The following AOX1 variants were observed in gnomAD, a reference collection of about 807,000 sequenced individuals.
The protein encoded by AOX1 is aldehyde oxidase.
AOX1 carries 153 observed loss-of-function variants against 169.5 expected under a neutral mutation model. The observed-to-expected ratio is 0.90, with a 90% CI of 0.79 to 1.03. AOX1 has a LOEUF of 1.03. Among genes scored for constraint, AOX1 ranks in the 50% least tolerant of loss-of-function variants. The pLI, the probability that AOX1 is intolerant of heterozygous loss-of-function variation, is 0.00. For synonymous variants in AOX1, 562 were observed against 581.9 expected (o/e 0.97, Z 0.49); for missense variants, 1,656 against 1,663.9 (o/e 1.00, Z 0.08).
chr2:200,589,091 G>A (rs2034113645), intron 1 of AOX1, among the ~76,000 whole-genome samples: 1 of 152,136 alleles, frequency 6.6e-6, no homozygotes, highest in South Asian at 2.1e-4. Flanking sequence ...AAGCTTAGAA[G>A]TGAAGCCACT....
intron 4 of AOX1, 54 bp from the exon 5 acceptor site, chr2:200,599,566 T>C: frequency 6.9e-7 from 1 of 1,440,374 alleles, no homozygotes; most frequent in Non-Finnish European, 9.5e-7. Flanking sequence ...TCTAATTCAT[T>C]AGGCCTGGGA....
intron 26 of AOX1, among the ~76,000 whole-genome samples, chr2:200,655,756 C>T (rs1306188979): frequency 6.6e-6 from 1 of 152,158 alleles, no homozygotes; most frequent in African/African-American, 2.4e-5. Context: ...AGAGACAGTT[C>T]TCCAAGCATG....
chr2:200,597,625 A>T, intron 4 of AOX1, 120 bp downstream of exon 4: 1 of 529,594 alleles, frequency 1.9e-6, no homozygotes. Flanking sequence ...TCCAACAGAT[A>T]CAACCTAGCT....
intron 16 of AOX1, 59 bp from the exon 17 acceptor site, chr2:200,620,585 CATAATA>C: frequency 7.5e-7 from 1 of 1,338,224 alleles, no homozygotes; most frequent in Non-Finnish European, 9.9e-7. Context: ...GGGAAATGTG[CATAATA>C]ATAATTCCTA....
At position 200,652,062 on chromosome 2, in the gene AOX1, G is replaced by A. The variant is rs529336874; in HGVS notation, c.3075+861G>A. On this transcript the variant is annotated intron_variant, in intron 26 of 34. Coordinates refer to ENST00000374700, the MANE Select transcript of AOX1 (RefSeq NM_001159.4). ...AGAAGGCATGGCAGCTGTGCTGAGC[G>A]ATCACAAAATAGGAACAAATGGCAG... is the stretch of plus-strand genomic sequence containing the variant. 8.5e-5 allele frequency among the ~76,000 whole-genome samples: 13 copies of A among 152,258 alleles called. No homozygotes were observed. In the South Asian group the frequency reaches 1.2e-3, roughly 15 times the overall value.
chr2:200,644,511 T>C (rs1434878558), intron 25 of AOX1, among the ~76,000 whole-genome samples: 3 of 152,238 alleles, frequency 2.0e-5, no homozygotes, highest in African/African-American at 7.2e-5. Context: ...TCTCTTTGCT[T>C]ACTCTTGCTT....
In AOX1 at chr2:200,597,446, G is replaced by C; in HGVS notation, c.250G>C (p.Ala84Pro). 8 of 1,612,524 alleles carry C rather than the reference G, an allele frequency of 5.0e-6. No individual in the cohort carries two copies. The highest frequency in any genetic ancestry group is 6.8e-6 in the Non-Finnish European group (8 of 1,179,346). The change falls in exon 4 of 35, where the codon GCT becomes CCT. Residue 84 changes from alanine (A) to proline (P), a missense_variant. By Grantham distance (27) the Ala-to-Pro change is conservative. Transcript: ENST00000374700. ...CLIPICSLYG[A>P]AVTTVEGIGS... Reference sequence around the variant, plus strand: ...GATTCCCATCTGTTCTCTGTATGGTGCTGCCGTCACCACAGTAGAAGGCAT... The same window carrying C: ...GATTCCCATCTGTTCTCTGTATGGTCCTGCCGTCACCACAGTAGAAGGCAT...
At chr2:200,636,117 CTTTTTTTTTTT>C (rs765127387) in intron 21 of AOX1, among the ~76,000 whole-genome samples, 1 of 53,954 alleles carries the variant, frequency 1.9e-5, no homozygotes, top group South Asian at 9.4e-4. Context: ...GTGAGAAGTG[CTTTTTTTTTTT>C]TTTTTTTTTT....
chr2:200,623,781 T>C, intron 18 of AOX1, 80 bp from the exon 19 acceptor site: 1 of 1,599,328 alleles, frequency 6.3e-7, no homozygotes, highest in Non-Finnish European at 8.5e-7. Context: ...AATCGAGTAC[T>C]AGGAGGGAGG....
At chr2:200,601,841 G>A (rs542678410) in intron 5 of AOX1, among the ~76,000 whole-genome samples, 127 of 152,182 alleles carry the variant, frequency 8.3e-4, no homozygotes, top group African/African-American at 3.0e-3. Context: ...GCTGAGGCAG[G>A]AGAATTGCTT....
Position 200,666,173 on chromosome 2 carries a change from C to T in AOX1, c.3544-514C>T, listed in dbSNP as rs541858209. Among the ~76,000 whole-genome samples, 18 of 152,324 alleles carry T rather than the reference C, an allele frequency of 1.2e-4. 1 individual carries two copies. In the South Asian group the frequency reaches 3.7e-3, roughly 32 times the overall value. On this transcript the variant is annotated intron_variant, in intron 31 of 34. Coordinates refer to ENST00000374700, the MANE Select transcript of AOX1 (RefSeq NM_001159.4). ...AGCAAGTTGTAGTGTCAACTTTATT[C>T]TCTTCTCTGCTACAAAAATGAAAAG...
intron 5 of AOX1, among the ~76,000 whole-genome samples, chr2:200,601,998 C>G (rs946797675): frequency 3.3e-5 from 5 of 151,646 alleles, no homozygotes; most frequent in Admixed American, 2.0e-4. Flanking sequence ...GACTGTAGAG[C>G]AAGTTTTTGG....
chr2:200,664,669 C>T (rs1259913566), intron 31 of AOX1, among the ~76,000 whole-genome samples: 1 of 152,200 alleles, frequency 6.6e-6, no homozygotes, highest in African/African-American at 2.4e-5. Context: ...AGGTTAGTGT[C>T]ACTGCTAGGC....
intron 31 of AOX1, among the ~76,000 whole-genome samples, chr2:200,664,124 TG>T (rs2035882899): frequency 2.2e-5 from 1 of 45,528 alleles, no homozygotes; most frequent in African/African-American, 1.1e-4. Flanking sequence ...GATTTCTGTT[TG>T]TTTGTTTGTT....
intron 5 of AOX1, among the ~76,000 whole-genome samples, chr2:200,601,608 CT>C (rs1379814392): frequency 3.3e-5 from 5 of 150,192 alleles, no homozygotes; most frequent in African/African-American, 1.2e-4. Flanking sequence ...TCAATAACAG[CT>C]CAGTAAAATG....
intron 25 of AOX1, among the ~76,000 whole-genome samples, chr2:200,643,102 G>A (rs891186889): frequency 2.6e-5 from 4 of 151,860 alleles, no homozygotes. Flanking sequence ...TTCCATCAAG[G>A]CCCTCATTCC....
intron 1 of AOX1, among the ~76,000 whole-genome samples, chr2:200,591,015 A>G (rs2034161199): frequency 6.6e-6 from 1 of 152,240 alleles, no homozygotes. Flanking sequence ...AGTTTCTGCC[A>G]CCAATAACTT....
intron 9 of AOX1, 22 bp from the exon 10 acceptor site, chr2:200,605,514 T>A (rs1213003118): frequency 2.7e-6 from 1 of 366,072 alleles, no homozygotes. Context: ...TTATTGATTT[T>A]TTTTTTTTTT....
intron 16 of AOX1, among the ~76,000 whole-genome samples, chr2:200,617,870 TC>T (rs1559240367): frequency 6.6e-6 from 1 of 152,124 alleles, no homozygotes; most frequent in Non-Finnish European, 1.5e-5. Context: ...GGAAGTCAAT[TC>T]CTACCATCTG....
Sources: allele counts gnomAD v4.1 joint callset (sites outside exome capture counted in the v4.1 genomes callset), GRCh38; gene constraint gnomAD v4.1.1; transcripts MANE v1.5; gene names NCBI Gene and HGNC (gene_info 2026-07-23, HGNC 2026-07-21).